Variants in CCDC169 observed in about 807,000 individuals in gnomAD.
The protein encoded by CCDC169 is coiled-coil domain containing 169, also known as coiled-coil domain-containing protein 169.
Under a neutral mutation model 36.0 loss-of-function variants are expected in CCDC169, and 30 were observed. The ratio of observed to expected loss-of-function variants is 0.83; its 90% CI spans 0.62 to 1.13. CCDC169 has a LOEUF of 1.13. CCDC169 is among the 50% of genes most tolerant of loss of function. The pLI is 0.00. For synonymous variants in CCDC169, 85 were observed against 81.5 expected (o/e 1.04, Z -0.23); for missense variants, 245 against 245.9 (o/e 1.00, Z 0.03).
At position 36,230,836 on chromosome 13, in the gene CCDC169, G is replaced by C. The variant is rs1870339964; in HGVS notation, c.*357C>G. The stretch of plus-strand genomic sequence containing the variant: ...AAGATCCAGCCCAAAATGGCAAAAA[G>C]GTTTTATGAATACACACTTTTTGCT... On this transcript the variant is annotated 3_prime_UTR_variant, in exon 8 of 8. Coordinates refer to ENST00000239859, the MANE Select transcript of CCDC169 (RefSeq NM_001144981.3). 1.0e-6 allele frequency: 1 copy of C among 993,748 alleles called. No homozygotes were observed. The highest frequency in any genetic ancestry group is 1.2e-6 in the Non-Finnish European group (1 of 835,876). The allele number at this position is 993,748 out of a possible 1,614,324, so 61.6% of individuals were successfully genotyped here. A position where few individuals can be genotyped will look rare whatever the true frequency, so the allele number is the denominator to read the frequency against.
intron 2 of CCDC169, among the ~76,000 whole-genome samples, chr13:36,290,126 C>T (rs2138640481): frequency 6.6e-6 from 1 of 152,274 alleles, no homozygotes; most frequent in Middle Eastern, 3.4e-3. Flanking sequence ...AAGGCAGTGA[C>T]TCCTGCCAGT....
chr13:36,297,017 G>GAAAT (rs1412136137), intron 1 of CCDC169, among the ~76,000 whole-genome samples: 1 of 152,116 alleles, frequency 6.6e-6, no homozygotes, highest in Non-Finnish European at 1.5e-5. Context: ...AGCAAAACAA[G>GAAAT]AAATAGACAG....
At chr13:36,257,089 T>C (rs1873979792) in intron 4 of CCDC169, among the ~76,000 whole-genome samples, 1 of 151,312 alleles carries the variant, frequency 6.6e-6, no homozygotes, top group African/African-American at 2.4e-5. Flanking sequence ...AACGACCAGG[T>C]AGACCACCTA....
intron 4 of CCDC169, chr13:36,281,132 G>A (rs900912590): frequency 3.4e-5 from 12 of 356,888 alleles, no homozygotes; most frequent in Admixed American, 2.0e-4. Flanking sequence ...AGGCGAAGCA[G>A]CCATCTTTAA....
chr13:36,266,815 T>C (rs1225893521), intron 4 of CCDC169, among the ~76,000 whole-genome samples: 1 of 152,164 alleles, frequency 6.6e-6, no homozygotes, highest in Non-Finnish European at 1.5e-5. Flanking sequence ...ACTGCCACAT[T>C]GGGCCAGGAT....
At chr13:36,255,659 T>TAAAAAAAAA (rs3083965) in intron 4 of CCDC169, among the ~76,000 whole-genome samples, 17 of 124,590 alleles carry the variant, frequency 1.4e-4, no homozygotes, top group African/African-American at 4.6e-4. Context: ...CAAGGCTCCA[T>TAAAAAAAAA]AAAAAAAAAA....
chr13:36,243,973 G>T (rs577219705), intron 7 of CCDC169, among the ~76,000 whole-genome samples: 2 of 152,252 alleles, frequency 1.3e-5, no homozygotes, highest in South Asian at 4.1e-4. Context: ...CATATGATTA[G>T]AATAAAGAAG....
At chr13:36,276,977 T>C (rs1428002542) in intron 4 of CCDC169, among the ~76,000 whole-genome samples, 1 of 152,170 alleles carries the variant, frequency 6.6e-6, no homozygotes, top group Non-Finnish European at 1.5e-5. Context: ...CGTATACTTT[T>C]AATATACATT....
chr13:36,233,974 G>A (rs1593989520), intron 7 of CCDC169, among the ~76,000 whole-genome samples: 1 of 152,200 alleles, frequency 6.6e-6, no homozygotes, highest in African/African-American at 2.4e-5. Context: ...ATCTAGGAGA[G>A]ACTGAAAGTC....
At chr13:36,296,901 A>G (rs1879568298) in intron 1 of CCDC169, among the ~76,000 whole-genome samples, 1 of 152,252 alleles carries the variant, frequency 6.6e-6, no homozygotes, top group South Asian at 2.1e-4. Flanking sequence ...ACTGAGTGAC[A>G]AGAGATGGAG....
At chr13:36,227,211 AGGTGAGTC>A (rs752864140), downstream of CCDC169, 46 of 1,542,434 alleles carry the variant, frequency 3.0e-5, no homozygotes, top group African/African-American at 6.3e-4. Context: ...TTAGCTCTTC[AGGTGAGTC>A]TGACACACAG....
intron 4 of CCDC169, among the ~76,000 whole-genome samples, chr13:36,271,643 G>A (rs1430842014): frequency 6.6e-6 from 1 of 152,146 alleles, no homozygotes; most frequent in African/African-American, 2.4e-5. Flanking sequence ...TATTCTAAGT[G>A]AAGTAACACA....
intron 2 of CCDC169, among the ~76,000 whole-genome samples, chr13:36,289,296 C>T (rs9547081): frequency 0.25 from 38,347 of 151,928 alleles, 5,078 homozygotes; most frequent in East Asian, 0.48. Context: ...TCTAAATTAG[C>T]TTCTGTAACT....
intron 2 of CCDC169, among the ~76,000 whole-genome samples, chr13:36,288,539 A>G (rs1878515131): frequency 6.6e-6 from 1 of 152,204 alleles, no homozygotes; most frequent in Non-Finnish European, 1.5e-5. Context: ...CCAATTAAGA[A>G]AAGATTATGA....
At chr13:36,295,084 C>T (rs1879319245) in intron 2 of CCDC169, among the ~76,000 whole-genome samples, 1 of 152,148 alleles carries the variant, frequency 6.6e-6, no homozygotes, top group African/African-American at 2.4e-5. Context: ...TGTTCTTTAG[C>T]ATTCAGTTCA....
At chr13:36,236,377 T>G (rs1253038041) in intron 7 of CCDC169, among the ~76,000 whole-genome samples, 3 of 151,840 alleles carry the variant, frequency 2.0e-5, no homozygotes, top group Non-Finnish European at 4.4e-5. Context: ...TTTACAAGAG[T>G]GCCAAGAGCA....
downstream of CCDC169, among the ~76,000 whole-genome samples, chr13:36,229,942 C>A (rs1042643203): frequency 3.9e-5 from 6 of 151,934 alleles, no homozygotes; most frequent in Non-Finnish European, 8.8e-5. Context: ...GTCAAGGCAC[C>A]TAATATTAAT....
At chr13:36,246,722 G>A (rs1351764003) in intron 7 of CCDC169, among the ~76,000 whole-genome samples, 2 of 152,176 alleles carry the variant, frequency 1.3e-5, no homozygotes, top group Non-Finnish European at 2.9e-5. Context: ...TGATGAAGGT[G>A]ATTACACTAA....
chr13:36,273,741 GT>G (rs1485758676), intron 4 of CCDC169, among the ~76,000 whole-genome samples: 1 of 152,120 alleles, frequency 6.6e-6, no homozygotes, highest in Non-Finnish European at 1.5e-5. Context: ...AAATTTTTTT[GT>G]AATGTACTAA....
Sources: allele counts gnomAD v4.1 joint callset (sites outside exome capture counted in the v4.1 genomes callset), GRCh38; gene constraint gnomAD v4.1.1; transcripts MANE v1.5; gene names NCBI Gene and HGNC (gene_info 2026-07-23, HGNC 2026-07-21).